Variants in ADCY8 observed in about 807,000 individuals in gnomAD.
The protein encoded by ADCY8 is adenylate cyclase 8.
A neutral mutation model predicts 119.7 loss-of-function variants in ADCY8; 51 were observed. The ratio of observed to expected loss-of-function variants is 0.43; its 90% CI spans 0.34 to 0.54. The LOEUF (loss-of-function observed/expected upper bound fraction) is 0.54, where lower values mean the gene tolerates loss of function less well. ADCY8 is among the 20% of genes least tolerant of loss of function. The probability of loss-of-function intolerance (pLI) is 0.03; values close to 1 mark genes in which losing one functional copy is unlikely to be tolerated. For missense variants in ADCY8, 1,383 were observed against 1,598.8 expected (o/e 0.87, Z 2.30); for synonymous variants, 665 against 651.0 (o/e 1.02, Z -0.33).
chr8:130,950,743 A>C (rs1821244655), intron 3 of ADCY8, among the ~76,000 whole-genome samples: 1 of 152,160 alleles, frequency 6.6e-6, no homozygotes, highest in African/African-American at 2.4e-5. Flanking sequence ...CTCTGTTGCC[A>C]GGCTGGAGTT....
intron 3 of ADCY8, among the ~76,000 whole-genome samples, chr8:130,951,540 C>T (rs1422199078): frequency 6.6e-6 from 1 of 152,088 alleles, no homozygotes. Context: ...CACCTGAAAC[C>T]CCCAGATTAC....
chr8:131,011,516 C>A (rs1410600174), intron 1 of ADCY8, among the ~76,000 whole-genome samples: 1 of 152,156 alleles, frequency 6.6e-6, no homozygotes, highest in Non-Finnish European at 1.5e-5. Context: ...ATTCTCAGTG[C>A]CTGACCCCCA....
At chr8:130,908,483 C>T (rs1665720077) in intron 6 of ADCY8, among the ~76,000 whole-genome samples, 1 of 151,854 alleles carries the variant, frequency 6.6e-6, no homozygotes, top group African/African-American at 2.4e-5. Flanking sequence ...AGAATAGTAA[C>T]TGACCTGGGG....
intron 5 of ADCY8, among the ~76,000 whole-genome samples, chr8:130,914,394 A>C (rs901323316): frequency 3.3e-5 from 5 of 152,226 alleles, no homozygotes; most frequent in Non-Finnish European, 7.3e-5. Flanking sequence ...GGAGCATCTT[A>C]ATGAAAAGAC....
chr8:131,008,811 C>A (rs566999683), intron 1 of ADCY8, among the ~76,000 whole-genome samples: 3 of 152,278 alleles, frequency 2.0e-5, no homozygotes, highest in African/African-American at 7.2e-5. Context: ...GTGATATGGA[C>A]AATGAAGTCC....
chr8:130,894,954 T>C (rs141182518), intron 7 of ADCY8, among the ~76,000 whole-genome samples: 1,589 of 152,258 alleles, frequency 0.01, 37 homozygotes, highest in African/African-American at 0.036. Context: ...ATAAAAGTTA[T>C]ACTTGGTGGC....
intron 1 of ADCY8, among the ~76,000 whole-genome samples, chr8:131,020,055 A>G (rs2026756): frequency 0.89 from 135,067 of 152,024 alleles, 60,276 homozygotes; most frequent in African/African-American, 0.97. Context: ...AAGATGGCAT[A>G]GGTCTTTCAA....
At chr8:130,925,473 T>C (rs138648654) in intron 5 of ADCY8, among the ~76,000 whole-genome samples, 22 of 152,276 alleles carry the variant, frequency 1.4e-4, no homozygotes, top group African/African-American at 4.8e-4. Context: ...CCATGGAGGC[T>C]ATAAGTTAAG....
intron 4 of ADCY8, among the ~76,000 whole-genome samples, chr8:130,939,610 C>T (rs935855466): frequency 2.0e-5 from 3 of 152,324 alleles, no homozygotes; most frequent in Middle Eastern, 3.4e-3. Flanking sequence ...AATCTGACAT[C>T]TGCATTCCAG....
chr8:131,009,531 T>C (rs1276157404), intron 1 of ADCY8, among the ~76,000 whole-genome samples: 1 of 152,208 alleles, frequency 6.6e-6, no homozygotes, highest in Admixed American at 6.5e-5. Flanking sequence ...TCTTCCACCA[T>C]GATTGTAAAT....
chr8:130,867,118 G>A (rs1433595935), intron 9 of ADCY8, among the ~76,000 whole-genome samples: 1 of 152,176 alleles, frequency 6.6e-6, no homozygotes, highest in African/African-American at 2.4e-5. Flanking sequence ...AGAGGCAGGA[G>A]CTAGCTTATA....
chr8:130,782,558 C>T (rs932883255), intron 17 of ADCY8, among the ~76,000 whole-genome samples: 38 of 152,090 alleles, frequency 2.5e-4, no homozygotes, highest in African/African-American at 8.7e-4. Flanking sequence ...AAGGGTTGAC[C>T]CTGATTTGGC....
At chr8:130,977,375 T>C (rs147235060) in intron 2 of ADCY8, among the ~76,000 whole-genome samples, 283 of 152,340 alleles carry the variant, frequency 1.9e-3, no homozygotes, top group African/African-American at 6.3e-3. Context: ...TCAGTGGGTC[T>C]CTTGTTTTTT....
chr8:130,931,359 C>T (rs2130610324), intron 5 of ADCY8, among the ~76,000 whole-genome samples: 1 of 152,192 alleles, frequency 6.6e-6, no homozygotes, highest in Non-Finnish European at 1.5e-5. Flanking sequence ...GTTGTTGTTG[C>T]TTTCAGGATC....
At chr8:130,828,561 C>T (rs1586456595) in intron 12 of ADCY8, among the ~76,000 whole-genome samples, 1 of 152,208 alleles carries the variant, frequency 6.6e-6, no homozygotes, top group African/African-American at 2.4e-5. Flanking sequence ...GGATCCTTTC[C>T]ATGAGGCAGA....
At chr8:130,797,529 A>G (rs1280545388) in intron 15 of ADCY8, among the ~76,000 whole-genome samples, 1 of 152,224 alleles carries the variant, frequency 6.6e-6, no homozygotes, top group Non-Finnish European at 1.5e-5. Flanking sequence ...GTACTTAGCA[A>G]GCATCTGCCA....
intron 12 of ADCY8, among the ~76,000 whole-genome samples, chr8:130,828,917 T>C (rs1816745580): frequency 1.3e-5 from 2 of 152,160 alleles, no homozygotes; most frequent in East Asian, 1.9e-4. Context: ...ACCAGCACAC[T>C]TCCTTTATAA....
At chr8:130,793,890 A>G (rs1010644139) in intron 15 of ADCY8, among the ~76,000 whole-genome samples, 6 of 152,242 alleles carry the variant, frequency 3.9e-5, no homozygotes, top group African/African-American at 1.4e-4. Flanking sequence ...TCAAAAATTC[A>G]TGTCCTCACA....
intron 1 of ADCY8, among the ~76,000 whole-genome samples, chr8:131,007,357 G>C (rs1163464805): frequency 6.6e-6 from 1 of 152,128 alleles, no homozygotes; most frequent in South Asian, 2.1e-4. Flanking sequence ...CTCAGATGGG[G>C]ACTATTTTAC....
Sources: allele counts gnomAD v4.1 joint callset (sites outside exome capture counted in the v4.1 genomes callset), GRCh38; gene constraint gnomAD v4.1.1; transcripts MANE v1.5; gene names NCBI Gene and HGNC (gene_info 2026-07-23, HGNC 2026-07-21).